The following PCSK7 variants were observed in gnomAD, a reference collection of about 807,000 sequenced individuals.
PCSK7 encodes the protein proprotein convertase subtilisin/kexin type 7.
Under a neutral mutation model 73.3 loss-of-function variants are expected in PCSK7, and 38 were observed. That is an observed-to-expected ratio of 0.52 (90% confidence interval 0.40 to 0.68). The LOEUF (loss-of-function observed/expected upper bound fraction) is 0.68. Among genes scored for constraint, PCSK7 ranks in the 30% least tolerant of loss-of-function variants. The pLI is 0.00. For missense variants in PCSK7, 692 were observed against 991.5 expected (o/e 0.70, Z 4.06); for synonymous variants, 296 against 383.8 (o/e 0.77, Z 2.68).
At chr11:117,228,493 A>G in intron 3 of PCSK7, 143 bp from the exon 4 acceptor site, 2 of 681,978 alleles carry the variant, frequency 2.9e-6, no homozygotes, top group Non-Finnish European at 2.6e-6. Flanking sequence ...GTGGGAACAG[A>G]GTCAAGGAGG....
At chr11:117,231,421 C>T (rs558210912) in intron 1 of PCSK7, among the ~76,000 whole-genome samples, 2 of 152,234 alleles carry the variant, frequency 1.3e-5, no homozygotes, top group South Asian at 2.1e-4. Context: ...AGGTGTCTTC[C>T]CCAGTCTGCA....
intron 2 of PCSK7, 162 bp from the exon 3 acceptor site, chr11:117,230,018 C>T (rs1305001571): frequency 3.5e-6 from 2 of 577,574 alleles, no homozygotes; most frequent in Non-Finnish European, 6.0e-6. Flanking sequence ...CACATTTATC[C>T]CTGACCAACA....
chr11:117,224,019 G>A, intron 8 of PCSK7, 59 bp downstream of exon 8: 1 of 1,552,346 alleles, frequency 6.4e-7, no homozygotes, highest in South Asian at 1.1e-5. Context: ...GACAAGACGT[G>A]TGATGCCCTA....
intron 12 of PCSK7, chr11:117,213,419 G>A (rs775825721): frequency 9.2e-5 from 14 of 152,180 alleles, no homozygotes; most frequent in African/African-American, 2.7e-4. Context: ...GCACTGACAC[G>A]AATGGGAAAA....
intron 9 of PCSK7, chr11:117,222,665 GAGA>G (rs2032248977): frequency 4.1e-5 from 5 of 122,032 alleles, no homozygotes; most frequent in South Asian, 2.6e-4. Context: ...TTTTTTTTTT[GAGA>G]AGGAGTCTTG....
At chr11:117,216,260 A>G (rs2031978987) in intron 12 of PCSK7, 1 of 152,148 alleles carries the variant, frequency 6.6e-6, no homozygotes, top group Non-Finnish European at 1.5e-5. Context: ...CTAGAGTCTT[A>G]GAGGTATTTA....
At chr11:117,211,907 C>T (rs1194832842) in intron 12 of PCSK7, 3 of 152,122 alleles carry the variant, frequency 2.0e-5, no homozygotes, top group African/African-American at 7.2e-5. Flanking sequence ...AGGTTTGAGA[C>T]GAGGATTAAA....
chr11:117,204,754 G>T lies in PCSK7; in HGVS notation c.*1243C>A. On this transcript the variant is annotated 3_prime_UTR_variant, in exon 17 of 17. Coordinates refer to ENST00000320934, the MANE Select transcript of PCSK7 (RefSeq NM_004716.4). ...CTTGTCCTGGAATATTTTTGGGGTTGGAACTCAAAAAAAAAAAAAAAAAAT... is the reference window on the plus strand; with the variant it reads ...CTTGTCCTGGAATATTTTTGGGGTTTGAACTCAAAAAAAAAAAAAAAAAAT... 1 of 255,626 alleles carries T rather than the reference G, an allele frequency of 3.9e-6. No individual in the cohort carries two copies. 15.8% of individuals were successfully genotyped at this position (255,626 alleles called of 1,614,324 possible).
Position 117,229,874 on chromosome 11 carries a change from G to C in PCSK7, c.-12-18C>G, listed in dbSNP as rs1273075539. ...GCAGTGGACTGCAGACAAAGAAAAA[G>C]GATATGGAAGAGATCAAAGAGCTGG... On this transcript the variant is annotated intron_variant, in intron 2 of 16. Transcript: ENST00000320934. 5.0e-6 allele frequency: 7 copies of C among 1,396,860 alleles called. No homozygotes were observed. Among genetic ancestry groups the C allele is most frequent in the Non-Finnish European group, 5.8e-6 (6 of 1,039,624 alleles). 86.5% of individuals were successfully genotyped at this position (1,396,860 alleles called of 1,614,324 possible). A position where few individuals can be genotyped will look rare whatever the true frequency, so the allele number is the denominator to read the frequency against.
At chr11:117,210,822 C>G (rs2031696378) in intron 12 of PCSK7, 1 of 152,114 alleles carries the variant, frequency 6.6e-6, no homozygotes, top group Non-Finnish European at 1.5e-5. Flanking sequence ...GTGGTCCCAG[C>G]TACTCAGGAG....
rs1197824025 is a variant in PCSK7 at position 117,226,245 on chromosome 11, T to C, written c.770-224A>G. Reference sequence around the variant, plus strand: ...TCCACCTCCTGGGTTCAAGCGATTGTCTTGCCTCAGCCTCGAAGTAGCTGG... The same window carrying C: ...TCCACCTCCTGGGTTCAAGCGATTGCCTTGCCTCAGCCTCGAAGTAGCTGG... On this transcript the variant is annotated intron_variant, in intron 5 of 16. Transcript: ENST00000320934. 7.4e-6 allele frequency: 4 copies of C among 544,182 alleles called. No individual in the cohort carries two copies. The East Asian group carries it at 1.2e-4, about 17-fold the overall frequency. The allele number at this position is 544,182 out of a possible 1,614,324, so 33.7% of individuals were successfully genotyped here. A position where few individuals can be genotyped will look rare whatever the true frequency, so the allele number is the denominator to read the frequency against.
At position 117,226,021 on chromosome 11, in the gene PCSK7, C is replaced by G. The variant is rs1320860645; in HGVS notation, c.770G>C (p.Gly257Ala). ...GAGAGGTCCATCCAGTACCCGGATACCTAGGCAATGAAGGCCACAGCAGCT... is the reference window on the plus strand; with the variant it reads ...GAGAGGTCCATCCAGTACCCGGATAGCTAGGCAATGAAGGCCACAGCAGCT... ...VGVAYGSRIA[G>A]IRVLDGPLTD... Residue 257 changes from glycine (G) to alanine (A), a missense_variant and splice_region_variant, in exon 6 of 17, where the codon GGT becomes GCT. By Grantham distance (60) the Gly-to-Ala change is moderately conservative (BLOSUM62 0). This residue lies in a region of PCSK7 where 574 missense variants were observed against 689.8 expected (regional missense o/e 0.83). Coordinates refer to ENST00000320934, the MANE Select transcript of PCSK7 (RefSeq NM_004716.4). 1 of 1,588,282 alleles carries G rather than the reference C, an allele frequency of 6.3e-7. No individual in the cohort carries two copies.
At chr11:117,229,010 T>C (rs1347116879) in intron 3 of PCSK7, among the ~76,000 whole-genome samples, 2 of 152,220 alleles carry the variant, frequency 1.3e-5, no homozygotes, top group Non-Finnish European at 2.9e-5. Flanking sequence ...GTGCTACACA[T>C]GTATACATTC....
Position 117,230,393 on chromosome 11 carries a change from C to G in PCSK7, c.-57G>C, listed in dbSNP as rs2032598410. 1 of 153,318 alleles carries G rather than the reference C, an allele frequency of 6.5e-6. No homozygotes were observed. The highest frequency in any genetic ancestry group is 1.5e-5 in the Non-Finnish European group (1 of 68,962). 9.5% of individuals were successfully genotyped at this position (153,318 alleles called of 1,614,324 possible). A position where few individuals can be genotyped will look rare whatever the true frequency, so the allele number is the denominator to read the frequency against. ...GAGCTCCTGGTCTGGCTAACCACGT[C>G]ACACTCATGTTGTGCAAATGGAGAA... is the stretch of plus-strand genomic sequence containing the variant. On this transcript the variant is annotated 5_prime_UTR_variant, in exon 2 of 17. Transcript: ENST00000320934.
Position 117,204,361 on chromosome 11 carries a change from G to A in PCSK7, c.*1636C>T, listed in dbSNP as rs1591781451. 5.0e-6 allele frequency: 8 copies of A among 1,614,252 alleles called. No individual in the cohort carries two copies. Among genetic ancestry groups the A allele is most frequent in the Non-Finnish European group, 6.8e-6 (8 of 1,180,048 alleles). Reference sequence around the variant, plus strand: ...CGACCTCGGCAGATCATCAGTTAGAGCGGAGAGGGCTAGCCCTGAGCCCGG... The same window carrying A: ...CGACCTCGGCAGATCATCAGTTAGAACGGAGAGGGCTAGCCCTGAGCCCGG... On this transcript the variant is annotated 3_prime_UTR_variant, in exon 17 of 17. Transcript: ENST00000320934.
At chr11:117,225,804 C>T (rs2032399706) in intron 6 of PCSK7, 127 bp downstream of exon 6, 4 of 669,170 alleles carry the variant, frequency 6.0e-6, no homozygotes, top group Non-Finnish European at 1.1e-5. Flanking sequence ...AGGCAATGGA[C>T]TTATTAGCTG....
chr11:117,211,744 T>G (rs1289741251), intron 12 of PCSK7: 2 of 152,256 alleles, frequency 1.3e-5, no homozygotes, highest in Admixed American at 1.3e-4. Context: ...AATAAACCCT[T>G]TCTCAGTTCT....
chr11:117,227,904 T>A (rs1367052664), intron 4 of PCSK7, among the ~76,000 whole-genome samples: 1 of 152,080 alleles, frequency 6.6e-6, no homozygotes, highest in African/African-American at 2.4e-5. Flanking sequence ...AAAAGGCAGG[T>A]AGGGCTCCCT....
intron 12 of PCSK7, chr11:117,213,871 T>C (rs1284261963): frequency 2.0e-5 from 3 of 152,052 alleles, no homozygotes; most frequent in Non-Finnish European, 4.4e-5. Context: ...CTTTGGTAAA[T>C]TGGAATTTTT....
Sources: gnomAD v4.1 joint callset for allele counts (sites outside exome capture counted in the v4.1 genomes callset) on GRCh38, gnomAD v4.1.1 for gene constraint, gnomAD v4.1.1 regional missense constraint, MANE v1.5 for transcripts, NCBI Gene and HGNC (gene_info 2026-07-23, HGNC 2026-07-21) for gene names.